SPIDR: variants seen among roughly 807,000 people sequenced by gnomAD.
The protein encoded by SPIDR is DNA repair-scaffolding protein.
Under a neutral mutation model 104.6 loss-of-function variants are expected in SPIDR, and 93 were observed. That is an observed-to-expected ratio of 0.89 (90% CI 0.75 to 1.06). The LOEUF (loss-of-function observed/expected upper bound fraction) is 1.06. Among genes scored for constraint, SPIDR ranks in the 50% least tolerant of loss-of-function variants. The pLI is 0.00. For missense variants in SPIDR, 1,154 were observed against 1,111.2 expected (o/e 1.04, Z -0.55); for synonymous variants, 431 against 416.9 (o/e 1.03, Z -0.41).
intron 8 of SPIDR, among the ~76,000 whole-genome samples, chr8:47,499,630 A>G (rs886838715): frequency 6.6e-6 from 1 of 151,906 alleles, no homozygotes; most frequent in Admixed American, 6.6e-5. Context: ...TTTTCCAGGA[A>G]CACAGCCATA....
rs569605441 is a variant in SPIDR, at chr8:47,545,133, T to G, written c.1098-50678T>G. Reference sequence around the variant, plus strand: ...TTTCTTTCTTTCTTTTTTTTTTTTTTTTGTTGAAACGGAGTCTCACTGTCT... The same window carrying G: ...TTTCTTTCTTTCTTTTTTTTTTTTTGTTGTTGAAACGGAGTCTCACTGTCT... On this transcript the variant is annotated intron_variant, in intron 8 of 19. Transcript: ENST00000297423. Among the ~76,000 whole-genome samples, 38 of 141,256 alleles carry G rather than the reference T, an allele frequency of 2.7e-4. No individual in the cohort carries two copies. In the East Asian group the frequency reaches 2.7e-3, roughly 10 times the overall value. 92.7% of individuals were successfully genotyped at this position (141,256 alleles called of 152,430 possible).
chr8:47,339,199 G>A lies in SPIDR; in HGVS notation c.525+45169G>A, dbSNP rs145906628. Among the ~76,000 whole-genome samples the A allele has an allele frequency of 5.3e-5, 8 of 152,268 alleles. No individual in the cohort carries two copies. The East Asian group carries it at 1.4e-3, about 26-fold the overall frequency. On this transcript the variant is annotated intron_variant, in intron 5 of 19. Coordinates refer to ENST00000297423, the MANE Select transcript of SPIDR (RefSeq NM_001080394.4). ...GGGATTAGATTTTTGGAAGTTTAGCGATTTTCTGCCTTTTTTAGAAAAAAC... is the reference window on the plus strand; with the variant it reads ...GGGATTAGATTTTTGGAAGTTTAGCAATTTTCTGCCTTTTTTAGAAAAAAC...
chr8:47,453,519 A>T (rs1287902540), intron 8 of SPIDR, among the ~76,000 whole-genome samples: 2 of 152,192 alleles, frequency 1.3e-5, no homozygotes, highest in Non-Finnish European at 1.5e-5. Context: ...CAAAACAGAG[A>T]TACAGACCAA....
At chr8:47,696,586 T>A (rs771205145) in intron 11 of SPIDR, among the ~76,000 whole-genome samples, 11 of 152,220 alleles carry the variant, frequency 7.2e-5, no homozygotes, top group Non-Finnish European at 1.6e-4. Flanking sequence ...ACAAAAAGTC[T>A]TCAGTCAGCC....
chr8:47,375,233 C>CTTTT lies in SPIDR; in HGVS notation c.526-21120_526-21117dup, dbSNP rs869038432. Among the ~76,000 whole-genome samples, 13 of 53,346 alleles carry CTTTT rather than the reference C, an allele frequency of 2.4e-4. 3 individuals carry two copies. The highest frequency in any genetic ancestry group is 7.7e-4 in the East Asian group (1 of 1,306). 35.0% of individuals were successfully genotyped at this position (53,346 alleles called of 152,430 possible). On this transcript the variant is annotated intron_variant, in intron 5 of 19. Transcript: ENST00000297423. ...ATAGATTGAGTTAAGAGTTAATAGG[C>CTTTT]TTTTTTTTTTTTTTTTTTTTTTTTT...
chr8:47,498,824 C>G (rs1345028440), intron 8 of SPIDR, among the ~76,000 whole-genome samples: 1 of 152,132 alleles, frequency 6.6e-6, no homozygotes, highest in Non-Finnish European at 1.5e-5. Context: ...TCTTTTATAT[C>G]TATATTGAGT....
At chr8:47,509,667 T>C (rs764365429) in intron 8 of SPIDR, among the ~76,000 whole-genome samples, 1 of 152,218 alleles carries the variant, frequency 6.6e-6, no homozygotes, top group Non-Finnish European at 1.5e-5. Context: ...TTACTTCCTC[T>C]TTAGATAACT....
intron 8 of SPIDR, among the ~76,000 whole-genome samples, chr8:47,499,665 T>A (rs1189832898): frequency 1.3e-5 from 2 of 152,136 alleles, no homozygotes; most frequent in Admixed American, 6.5e-5. Context: ...ACTTTTAAGT[T>A]TTAGGGTACA....
intron 1 of SPIDR, among the ~76,000 whole-genome samples, chr8:47,268,021 G>A (rs1262261039): frequency 6.6e-6 from 1 of 152,136 alleles, no homozygotes; most frequent in Non-Finnish European, 1.5e-5. Context: ...CACACTGTGA[G>A]GTAGGGGTAC....
chr8:47,611,099 G>T (rs1362946586), intron 10 of SPIDR, among the ~76,000 whole-genome samples: 1 of 152,196 alleles, frequency 6.6e-6, no homozygotes, highest in Non-Finnish European at 1.5e-5. Context: ...CTGAGAAGGT[G>T]GGGTGAGGTT....
intron 8 of SPIDR, among the ~76,000 whole-genome samples, chr8:47,523,819 C>T (rs2084562805): frequency 6.6e-6 from 1 of 152,196 alleles, no homozygotes. Flanking sequence ...TGGTATGCAC[C>T]ATTACATAAC....
At chr8:47,641,206 C>T (rs947400315) in intron 10 of SPIDR, among the ~76,000 whole-genome samples, 13 of 152,078 alleles carry the variant, frequency 8.5e-5, no homozygotes, top group African/African-American at 3.1e-4. Flanking sequence ...GTCACGCAGA[C>T]TGGAGTGCAG....
chr8:47,262,610 A>G (rs2032778503), intron 1 of SPIDR, among the ~76,000 whole-genome samples: 1 of 152,166 alleles, frequency 6.6e-6, no homozygotes, highest in Non-Finnish European at 1.5e-5. Flanking sequence ...CCCAAGAGCA[A>G]GAGAGAGAGC....
At chr8:47,280,117 C>T in intron 2 of SPIDR, 100 bp downstream of exon 2, 1 of 1,235,574 alleles carries the variant, frequency 8.1e-7, no homozygotes. Context: ...CTTTCTTATT[C>T]TTTCAGAACA....
At chr8:47,576,806 A>G (rs1389788035) in intron 8 of SPIDR, among the ~76,000 whole-genome samples, 1 of 152,222 alleles carries the variant, frequency 6.6e-6, no homozygotes, top group Non-Finnish European at 1.5e-5. Context: ...AAAATGCTCT[A>G]ATATAAATAT....
chr8:47,567,467 C>T (rs1298982009), intron 8 of SPIDR, among the ~76,000 whole-genome samples: 1 of 152,104 alleles, frequency 6.6e-6, no homozygotes, highest in African/African-American at 2.4e-5. Flanking sequence ...GACCCACCTG[C>T]CTCGGCCTCC....
At chr8:47,277,597 C>A (rs2036780785) in intron 1 of SPIDR, among the ~76,000 whole-genome samples, 1 of 151,108 alleles carries the variant, frequency 6.6e-6, no homozygotes, top group Non-Finnish European at 1.5e-5. Context: ...CTCAAGTAGT[C>A]CTCCTGCCTT....
intron 7 of SPIDR, among the ~76,000 whole-genome samples, chr8:47,433,995 T>A (rs1554690716): frequency 6.6e-6 from 1 of 152,216 alleles, no homozygotes; most frequent in Non-Finnish European, 1.5e-5. Context: ...TTAAAGATAC[T>A]AAACTTCACA....
chr8:47,288,214 C>T (rs891106765), intron 3 of SPIDR, among the ~76,000 whole-genome samples: 15 of 151,602 alleles, frequency 9.9e-5, no homozygotes, highest in South Asian at 2.1e-4. Flanking sequence ...TCCTTATTAA[C>T]GGTAGTAATT....
Sources: allele counts gnomAD v4.1 joint callset (sites outside exome capture counted in the v4.1 genomes callset), GRCh38; gene constraint gnomAD v4.1.1; transcripts MANE v1.5; gene names NCBI Gene and HGNC (gene_info 2026-07-23, HGNC 2026-07-21).